Variants in DNAH7 observed in about 807,000 individuals in gnomAD.
The protein encoded by DNAH7 is axonemal beta dynein heavy chain 7.
Under a neutral mutation model 444.6 loss-of-function variants are expected in DNAH7, and 397 were observed. The observed-to-expected ratio is 0.89, with a 90% CI of 0.82 to 0.97. The LOEUF is 0.97. Among genes scored for constraint, DNAH7 ranks in the 50% least tolerant of loss-of-function variants. The probability of loss-of-function intolerance (pLI) is 0.00; values close to 1 mark genes in which losing one functional copy is unlikely to be tolerated. For missense variants in DNAH7, 4,902 were observed against 4,800.8 expected, an observed-to-expected ratio of 1.02 and a Z score of -0.62; for synonymous variants, 1,636 against 1,624.4, an observed-to-expected ratio of 1.01 and a Z score of -0.17.
At chr2:195,999,655 C>T (rs1693916322) in intron 12 of DNAH7, among the ~76,000 whole-genome samples, 1 of 151,672 alleles carries the variant, frequency 6.6e-6, no homozygotes, top group African/African-American at 2.4e-5. Context: ...TTAATGAAAA[C>T]ATGACTAAGT....
At chr2:196,065,248 G>A (rs1196079013) in intron 1 of DNAH7, among the ~76,000 whole-genome samples, 1 of 152,132 alleles carries the variant, frequency 6.6e-6, no homozygotes, top group East Asian at 1.9e-4. Context: ...TGAACACAAT[G>A]TATTTCTTTA....
At chr2:195,981,708 T>C (rs1475254737) in intron 15 of DNAH7, among the ~76,000 whole-genome samples, 2 of 152,158 alleles carry the variant, frequency 1.3e-5, no homozygotes, top group Non-Finnish European at 2.9e-5. Context: ...GAACATACCT[T>C]GGGATAAGGA....
intron 9 of DNAH7, among the ~76,000 whole-genome samples, 176 bp from the exon 10 acceptor site, chr2:196,013,082 TAATTA>T (rs1334966154): frequency 6.6e-6 from 1 of 152,094 alleles, no homozygotes; most frequent in East Asian, 1.9e-4. Flanking sequence ...ATAATTCATA[TAATTA>T]AATTCAATAG....
chr2:195,842,176 C>G (rs1698728750), intron 47 of DNAH7, among the ~76,000 whole-genome samples: 1 of 151,948 alleles, frequency 6.6e-6, no homozygotes, highest in Non-Finnish European at 1.5e-5. Flanking sequence ...GTTAAATAAT[C>G]CTAATCCTTT....
At chr2:195,773,635 ACTAT>A (rs902072909) in intron 60 of DNAH7, among the ~76,000 whole-genome samples, 2 of 152,084 alleles carry the variant, frequency 1.3e-5, no homozygotes, top group African/African-American at 2.4e-5. Context: ...TTTCTTCTTT[ACTAT>A]CTTTCTTTAG....
intron 24 of DNAH7, among the ~76,000 whole-genome samples, chr2:195,921,286 A>C (rs1378782249): frequency 6.6e-6 from 1 of 150,736 alleles, no homozygotes; most frequent in East Asian, 2.0e-4. Context: ...CACAATTTGC[A>C]CTTGCAAAAA....
intron 19 of DNAH7, among the ~76,000 whole-genome samples, chr2:195,937,566 T>C (rs541810551): frequency 2.4e-4 from 37 of 152,292 alleles, no homozygotes; most frequent in African/African-American, 8.7e-4. Flanking sequence ...TCATATTTTT[T>C]AAAAAAAGTA....
At position 195,737,995 on chromosome 2, in the gene DNAH7, T is replaced by G. The variant is rs200924607; in HGVS notation, c.12001A>C (p.Thr4001Pro). ...GHSTNFVIAM[T>P]LPSDQPKEHW... ...TCCTTGGGTTGGTCAGAGGGAAGAG[T>G]CATGGCAATCACAAAATTCGTGGAA... The change falls in exon 65 of 65, where the codon ACT becomes CCT. Residue 4001 changes from threonine to proline, a missense_variant. Physicochemically the swap from Thr to Pro is conservative, Grantham distance 38. Coordinates refer to ENST00000312428, the MANE Select transcript of DNAH7 (RefSeq NM_018897.3). 8 of 1,613,986 alleles carry G rather than the reference T, an allele frequency of 5.0e-6. No individual in the cohort carries two copies. The Middle Eastern group carries it at 9.9e-4, about 200-fold the overall frequency.
chr2:195,783,018 T>G (rs1695462095), intron 58 of DNAH7, among the ~76,000 whole-genome samples: 1 of 152,196 alleles, frequency 6.6e-6, no homozygotes, highest in Non-Finnish European at 1.5e-5. Context: ...CTAAAAGACA[T>G]TTTTACCTGG....
intron 24 of DNAH7, among the ~76,000 whole-genome samples, chr2:195,913,400 C>T (rs965285953): frequency 1.3e-5 from 2 of 152,036 alleles, no homozygotes; most frequent in Non-Finnish European, 2.9e-5. Flanking sequence ...CATATCATAT[C>T]CCACGTTATA....
chr2:195,787,560 G>T (rs1218448484), intron 57 of DNAH7, among the ~76,000 whole-genome samples: 1 of 152,136 alleles, frequency 6.6e-6, no homozygotes, highest in Non-Finnish European at 1.5e-5. Context: ...CCGATTAGAG[G>T]TCTCTAAAAC....
rs139227464 is a variant in DNAH7 at position 195,950,537 on chromosome 2, T to G, written c.3078+6724A>C. 5.5e-3 allele frequency among the ~76,000 whole-genome samples: 844 copies of G among 152,182 alleles called. 9 individuals carry two copies. The highest frequency in any genetic ancestry group is 0.019 in the African/African-American group (804 of 41,532). On this transcript the variant is annotated intron_variant, in intron 19 of 64. Coordinates refer to ENST00000312428, the MANE Select transcript of DNAH7 (RefSeq NM_018897.3). The stretch of plus-strand genomic sequence containing the variant: ...TTAGTCTGGCTAGCAGTCTATCTAT[T>G]TTGTTAATCTTTCCAAAAAACCAGC...
At chr2:195,780,784 A>T (rs565133367) in intron 58 of DNAH7, among the ~76,000 whole-genome samples, 4 of 152,028 alleles carry the variant, frequency 2.6e-5, no homozygotes, top group South Asian at 2.1e-4. Context: ...AAATATATAT[A>T]TTTTTATACT....
chr2:196,026,685 G>A (rs1695708463), intron 7 of DNAH7, 75 bp downstream of exon 7: 5 of 998,012 alleles, frequency 5.0e-6, no homozygotes, highest in South Asian at 1.7e-5. Context: ...TTCAAGTATA[G>A]GTATTATTAA....
chr2:195,834,070 G>A, intron 48 of DNAH7, 136 bp downstream of exon 48: 3 of 832,772 alleles, frequency 3.6e-6, no homozygotes, highest in East Asian at 5.2e-5. Flanking sequence ...AGCCAAGCGT[G>A]GGGGCATGTG....
intron 1 of DNAH7, among the ~76,000 whole-genome samples, chr2:196,061,861 ATC>A: frequency 6.6e-6 from 1 of 152,318 alleles, no homozygotes; most frequent in East Asian, 1.9e-4. Flanking sequence ...ACCATAAAAA[ATC>A]TGTTTTATTT....
chr2:195,867,385 G>A (rs148676156), intron 40 of DNAH7, among the ~76,000 whole-genome samples: 1 of 152,198 alleles, frequency 6.6e-6, no homozygotes, highest in African/African-American at 2.4e-5. Context: ...TATTTATATT[G>A]TAATTTGTGC....
chr2:195,971,229 C>A (rs1412348694), intron 16 of DNAH7, among the ~76,000 whole-genome samples: 1 of 152,106 alleles, frequency 6.6e-6, no homozygotes, highest in Non-Finnish European at 1.5e-5. Flanking sequence ...ACTGGCTGAC[C>A]TAGAACAAGT....
chr2:195,806,059 T>C (rs1001855714), intron 54 of DNAH7, among the ~76,000 whole-genome samples: 2 of 152,216 alleles, frequency 1.3e-5, no homozygotes, highest in African/African-American at 2.4e-5. Context: ...GTGGTAATAA[T>C]GGACAACTAG....
Sources: gnomAD v4.1 joint callset for allele counts (sites outside exome capture counted in the v4.1 genomes callset) on GRCh38, gnomAD v4.1.1 for gene constraint, MANE v1.5 for transcripts, NCBI Gene and HGNC (gene_info 2026-07-23, HGNC 2026-07-21) for gene names.